RNF150: variants seen among roughly 807,000 people sequenced by gnomAD.
RNF150 encodes ring finger protein 150.
RNF150 carries 24 observed loss-of-function variants against 39.3 expected under a neutral mutation model. The observed-to-expected ratio is 0.61, with a 90% CI of 0.44 to 0.86. The LOEUF (loss-of-function observed/expected upper bound fraction) is 0.86. Among genes scored for constraint, RNF150 ranks in the 40% least tolerant of loss-of-function variants. The pLI, the probability that RNF150 is intolerant of heterozygous loss-of-function variation, is 0.00. For synonymous variants in RNF150, 255 were observed against 227.3 expected (o/e 1.12, Z -1.10); for missense variants, 502 against 587.8 (o/e 0.85, Z 1.51).
intron 4 of RNF150, among the ~76,000 whole-genome samples, chr4:140,928,577 C>T (rs565000759): frequency 4.3e-4 from 66 of 152,308 alleles, no homozygotes; most frequent in Non-Finnish European, 7.2e-4. Flanking sequence ...GACGGAGTCT[C>T]GCTCTGTCAC....
chr4:140,872,045 A>T (rs1728968457), intron 6 of RNF150, among the ~76,000 whole-genome samples: 1 of 152,244 alleles, frequency 6.6e-6, no homozygotes, highest in Admixed American at 6.5e-5. Flanking sequence ...GAGGATGTGA[A>T]ATTATTCTAA....
chr4:141,052,720 G>C (rs1736824055), intron 1 of RNF150, among the ~76,000 whole-genome samples: 1 of 152,136 alleles, frequency 6.6e-6, no homozygotes, highest in African/African-American at 2.4e-5. Context: ...AATTTTAAGT[G>C]ACATGAGCCA....
intron 1 of RNF150, among the ~76,000 whole-genome samples, chr4:140,985,152 A>G (rs866367682): frequency 6.6e-6 from 1 of 152,180 alleles, no homozygotes; most frequent in Non-Finnish European, 1.5e-5. Flanking sequence ...TGCCTCCTAA[A>G]TATCACTCTT....
chr4:141,013,433 G>T (rs995537559), intron 1 of RNF150, among the ~76,000 whole-genome samples: 8 of 152,154 alleles, frequency 5.3e-5, no homozygotes, highest in Admixed American at 4.6e-4. Context: ...AGGAAACTGA[G>T]GTATCTATAA....
rs140371934 is a variant in RNF150 at position 141,097,288 on chromosome 4, G to T, written c.484+35037C>A. Among the ~76,000 whole-genome samples the T allele has an allele frequency of 4.6e-5, 7 of 152,168 alleles. No individual in the cohort carries two copies. In the East Asian group the frequency reaches 1.3e-3, roughly 29 times the overall value. ...CCCTAGGTCCTGACAGCTGTTGATT[G>T]AATGCATTTCTCTGCTTTGCAGCTC... On this transcript the variant is annotated intron_variant, in intron 1 of 6. Coordinates refer to ENST00000515673, the MANE Select transcript of RNF150 (RefSeq NM_020724.2).
chr4:140,928,937 T>C (rs1449913196), intron 4 of RNF150, among the ~76,000 whole-genome samples: 2 of 152,150 alleles, frequency 1.3e-5, no homozygotes, highest in Non-Finnish European at 2.9e-5. Context: ...GAGTGGAGGA[T>C]TGCTCTCTGT....
At position 140,868,137 on chromosome 4, in the gene RNF150, A is replaced by G. The variant is rs1728784928; in HGVS notation, c.*124T>C. The G allele has an allele frequency of 1.5e-6, 1 of 660,504 alleles. No homozygotes were observed. 40.9% of individuals were successfully genotyped at this position (660,504 alleles called of 1,614,324 possible). The stretch of plus-strand genomic sequence containing the variant: ...ATATTGCTTTTCGTCAGCATTCTTG[A>G]ACGGAGCGCCCTGGAGTTGCCAAGG... On this transcript the variant is annotated 3_prime_UTR_variant, in exon 7 of 7. Coordinates refer to ENST00000515673, the MANE Select transcript of RNF150 (RefSeq NM_020724.2).
At chr4:140,975,102 G>A (rs915336657) in intron 1 of RNF150, among the ~76,000 whole-genome samples, 3 of 151,844 alleles carry the variant, frequency 2.0e-5, no homozygotes, top group Non-Finnish European at 2.9e-5. Context: ...CAAAAAATAC[G>A]AAAATTAGCT....
rs1184965548 is a variant in RNF150, at chr4:141,132,459, C to T, written c.350G>A (p.Trp117Ter). ...KFAAPTRGKNWIALIPKGNCT... is the reference protein window; with the variant it reads ...KFAAPTRGKN ...GTTGCCCTTGGGGATGAGGGCTATC[C>T]AGTTCTTGCCGCGGGTCGGGGCGGC... is the stretch of plus-strand genomic sequence containing the variant. The change falls in exon 1 of 7, where the codon TGG becomes TAG. Residue 117 changes from tryptophan (W) to a stop codon, truncating the protein, a stop_gained. Transcript: ENST00000515673. LOFTEE classifies it high-confidence loss of function. This position sits in a 1 kb window ranked among gnomAD's most constrained non-coding sequence, Gnocchi z 4.9. 6.2e-7 allele frequency: 1 copy of T among 1,610,424 alleles called. No individual in the cohort carries two copies. The highest frequency in any genetic ancestry group is 1.3e-5 in the African/African-American group (1 of 75,034).
chr4:140,880,999 T>C (rs1468400099), intron 6 of RNF150, among the ~76,000 whole-genome samples: 2 of 152,154 alleles, frequency 1.3e-5, no homozygotes, highest in Admixed American at 1.3e-4. Context: ...GTCTTTCTAT[T>C]CTCTATTTCA....
intron 1 of RNF150, among the ~76,000 whole-genome samples, chr4:140,971,090 A>G (rs1052755132): frequency 6.6e-6 from 1 of 152,122 alleles, no homozygotes; most frequent in Non-Finnish European, 1.5e-5. Context: ...ATCCAGGGCA[A>G]AATGCTCCTC....
chr4:141,209,585 GT>G (rs1728430503), intron 1 of RNF150, among the ~76,000 whole-genome samples: 2 of 152,052 alleles, frequency 1.3e-5, no homozygotes, highest in Non-Finnish European at 2.9e-5. Flanking sequence ...TTCACAATTT[GT>G]GTTTTCTTGT....
intron 6 of RNF150, among the ~76,000 whole-genome samples, chr4:140,891,835 A>G (rs1332110090): frequency 6.6e-6 from 1 of 152,140 alleles, no homozygotes; most frequent in African/African-American, 2.4e-5. Context: ...TCAGCAGAGC[A>G]TTTGATTCTC....
chr4:141,095,107 A>C (rs953999020), intron 1 of RNF150, among the ~76,000 whole-genome samples: 2 of 152,238 alleles, frequency 1.3e-5, no homozygotes, highest in Non-Finnish European at 2.9e-5. Context: ...CTAAGAAGAA[A>C]AGACATGTTC....
At chr4:141,171,039 G>A (rs150122254) in intron 1 of RNF150, among the ~76,000 whole-genome samples, 6 of 152,220 alleles carry the variant, frequency 3.9e-5, no homozygotes, top group African/African-American at 1.4e-4. Context: ...ACAGACTTCT[G>A]GACTAGAGAA....
intron 6 of RNF150, among the ~76,000 whole-genome samples, chr4:140,879,216 C>T (rs900736182): frequency 6.6e-6 from 1 of 152,126 alleles, no homozygotes; most frequent in Non-Finnish European, 1.5e-5. Flanking sequence ...ATTGTTTTGG[C>T]TATTTGGAGT....
chr4:141,190,616 T>C (rs1728093917), intron 1 of RNF150, among the ~76,000 whole-genome samples: 1 of 152,192 alleles, frequency 6.6e-6, no homozygotes, highest in Admixed American at 6.5e-5. Flanking sequence ...TGTGAGACTT[T>C]AAGCAGACTC....
chr4:141,135,899 C>G (rs1727020282), upstream of RNF150, among the ~76,000 whole-genome samples: 1 of 152,120 alleles, frequency 6.6e-6, no homozygotes, highest in South Asian at 2.1e-4. Context: ...TATCATGTAC[C>G]TCCTTATGAA....
At chr4:140,935,057 T>TA (rs1560975732) in intron 4 of RNF150, among the ~76,000 whole-genome samples, 21 of 33,796 alleles carry the variant, frequency 6.2e-4, no homozygotes, top group Admixed American at 2.5e-3. Context: ...ATATATATAT[T>TA]ATATATATAT....
Sources: gnomAD v4.1 joint callset for allele counts (sites outside exome capture counted in the v4.1 genomes callset) on GRCh38, gnomAD v4.1.1 for gene constraint, Gnocchi (gnomAD v3.1) non-coding constraint, MANE v1.5 for transcripts, NCBI Gene and HGNC (gene_info 2026-07-23, HGNC 2026-07-21) for gene names.